The following ZNF384 variants were observed in gnomAD, a reference collection of about 807,000 sequenced individuals.
ZNF384 encodes the protein zinc finger protein 384.
Under a neutral mutation model 65.0 loss-of-function variants are expected in ZNF384, and 20 were observed. The observed-to-expected ratio is 0.31, with a 90% CI of 0.22 to 0.45. ZNF384 has a LOEUF of 0.45. Ranked by LOEUF, ZNF384 falls within the 20% of genes least tolerant of loss-of-function variation. ZNF384 has a pLI of 1.00. For missense variants in ZNF384, 549 were observed against 769.4 expected (o/e 0.71, Z 3.39); for synonymous variants, 310 against 303.9 (o/e 1.02, Z -0.21).
chr12:6,672,006 T>C lies in ZNF384; in HGVS notation c.1187+344A>G, dbSNP rs1951688955. On this transcript the variant is annotated intron_variant, in intron 9 of 11. Coordinates refer to ENST00000683879, the MANE Select transcript of ZNF384 (RefSeq NM_001385745.1). The surrounding 1 kb of genome is among the most constrained non-coding windows in gnomAD (Gnocchi z 4.4). ...TCTTCTCCACTCAAATGCCTCTGTT[T>C]TGGCATCAAGGGGCAAATCTTCCAA... 1 of 226,946 alleles carries C rather than the reference T, an allele frequency of 4.4e-6. No homozygotes were observed. The highest frequency in any genetic ancestry group is 1.1e-4 in the East Asian group (1 of 9,132). 14.1% of individuals were successfully genotyped at this position (226,946 alleles called of 1,614,324 possible). A position where few individuals can be genotyped will look rare whatever the true frequency, so the allele number is the denominator to read the frequency against.
At chr12:6,685,484 G>T (rs1488608580) in intron 2 of ZNF384, among the ~76,000 whole-genome samples, 2 of 151,160 alleles carry the variant, frequency 1.3e-5, no homozygotes, top group East Asian at 4.0e-4. Context: ...TAGGAAGGGA[G>T]GTTTACTGCT....
At chr12:6,687,513 AGTTCTGAACT>A (rs1958364790) in intron 2 of ZNF384, among the ~76,000 whole-genome samples, 1 of 152,180 alleles carries the variant, frequency 6.6e-6, no homozygotes, top group African/African-American at 2.4e-5. Context: ...TGGGATCATA[AGTTCTGAACT>A]CAAACTCTTT....
Position 6,666,629 on chromosome 12 carries a change from T to G in ZNF384, c.*1085A>C, listed in dbSNP as rs1464021314. 6.6e-6 allele frequency: 1 copy of G among 151,822 alleles called. No individual in the cohort carries two copies. Among genetic ancestry groups the G allele is most frequent in the Non-Finnish European group, 1.4e-5 (1 of 73,064 alleles). 9.4% of individuals were successfully genotyped at this position (151,822 alleles called of 1,614,324 possible). ...ATTTCCTTTCCTCTGAAATCTGCCA[T>G]GATTTAAAAAAAAAAAAAAAAGACA... On this transcript the variant is annotated 3_prime_UTR_variant, in exon 12 of 12. Coordinates refer to ENST00000683879, the MANE Select transcript of ZNF384 (RefSeq NM_001385745.1).
At position 6,673,186 on chromosome 12, in the gene ZNF384, G is replaced by T; in HGVS notation, c.1004+30C>A. ...AACATGGTCTTAGGGTTCACGGCCA[G>T]GTGGTGGGGTAAACCAAGAGCAGCC... On this transcript the variant is annotated intron_variant, in intron 8 of 11. Transcript: ENST00000683879. This position sits in a 1 kb window ranked among gnomAD's most constrained non-coding sequence, Gnocchi z 4.7. 6.2e-7 allele frequency: 1 copy of T among 1,602,198 alleles called. No individual in the cohort carries two copies. The highest frequency in any genetic ancestry group is 8.5e-7 in the Non-Finnish European group (1 of 1,170,596).
At chr12:6,681,034 T>C (rs1223029259) in intron 2 of ZNF384, among the ~76,000 whole-genome samples, 1 of 151,940 alleles carries the variant, frequency 6.6e-6, no homozygotes, top group Non-Finnish European at 1.5e-5. Flanking sequence ...CTGGCCAACA[T>C]GGTGAAACCC....
At chr12:6,683,294 AAAAAT>A (rs1417563647) in intron 2 of ZNF384, among the ~76,000 whole-genome samples, 2 of 151,986 alleles carry the variant, frequency 1.3e-5, no homozygotes, top group African/African-American at 4.8e-5. Flanking sequence ...GTCTCAAAAA[AAAAAT>A]AAAATAAAAT....
rs1474536886 is a variant in ZNF384, at chr12:6,667,972, G to C, written c.1569C>G (p.Ala523=). ...GTGATGCCTGGGAGGCCTGGGCCTG[G>C]GCCTGGGCTTGAGCCTGAGCCTGAG... The part of the protein sequence containing the change: ...AQAQAQAQAQ[A]QAQASQASQQ... The change falls in exon 12 of 12, where the codon GCC becomes GCG. Residue 523 remains alanine (A), a synonymous_variant. Transcript: ENST00000683879. 6 of 1,611,874 alleles carry C rather than the reference G, an allele frequency of 3.7e-6. No individual in the cohort carries two copies. In the African/African-American group the frequency reaches 8.0e-5, roughly 22 times the overall value.
In ZNF384 at chr12:6,667,590, C is replaced by A. The variant is rs1362812711; in HGVS notation, c.*124G>T. ...GGTATCCTGTGAAGGAAAGCCGTGA[C>A]AGAGGCCCAAGGAGATGGAGCCAAG... On this transcript the variant is annotated 3_prime_UTR_variant, in exon 12 of 12. Coordinates refer to ENST00000683879, the MANE Select transcript of ZNF384 (RefSeq NM_001385745.1). 1.6e-6 allele frequency: 2 copies of A among 1,284,712 alleles called. No homozygotes were observed. The highest frequency in any genetic ancestry group is 2.3e-5 in the East Asian group (1 of 43,398). 79.6% of individuals were successfully genotyped at this position (1,284,712 alleles called of 1,614,324 possible).
rs890895462 is a variant in ZNF384, at chr12:6,672,591, A to C, written c.1005-59T>G. The C allele has an allele frequency of 1.3e-6, 2 of 1,539,224 alleles. No individual in the cohort carries two copies. Among genetic ancestry groups the C allele is most frequent in the Non-Finnish European group, 1.8e-6 (2 of 1,123,826 alleles). ...GGAAGCAGTTCGACACCAGGGGCTC[A>C]GCTCTCTGCTGGGTGAAATGACGTT... On this transcript the variant is annotated intron_variant, in intron 8 of 11. Coordinates refer to ENST00000683879, the MANE Select transcript of ZNF384 (RefSeq NM_001385745.1). The surrounding 1 kb of genome is among the most constrained non-coding windows in gnomAD (Gnocchi z 4.4).
intron 2 of ZNF384, among the ~76,000 whole-genome samples, chr12:6,683,604 G>C (rs1037188279): frequency 3.4e-5 from 5 of 144,972 alleles, no homozygotes; most frequent in Non-Finnish European, 6.0e-5. Context: ...CCTGAGTGCA[G>C]TAAGTCGAGA....
At chr12:6,679,322 G>T in intron 3 of ZNF384, 133 bp downstream of exon 3, 1 of 1,215,520 alleles carries the variant, frequency 8.2e-7, no homozygotes, top group African/African-American at 1.5e-5. Context: ...CTAGAGAGAA[G>T]CCCAGGCAGA....
At position 6,677,201 on chromosome 12, in the gene ZNF384, G is replaced by A. The variant is rs1158076118; in HGVS notation, c.745C>T (p.Pro249Ser). The stretch of plus-strand genomic sequence containing the variant: ...CACAGCAAATTCGTGGTGGAGCCGG[G>A]AACTGAATCCATGAGCCCAAGGCTC... ...GQSLGLMDSV[P>S]GSTTNLLCDP... The change falls in exon 7 of 12, where the codon CCC (proline) becomes TCC (serine). Residue 249 changes from proline (P) to serine (S), a missense_variant. Transcript: ENST00000683879. 1 of 1,256,710 alleles carries A rather than the reference G, an allele frequency of 8.0e-7. No homozygotes were observed. Among genetic ancestry groups the A allele is most frequent in the East Asian group, 4.3e-5 (1 of 23,310 alleles). The allele number at this position is 1,256,710 out of a possible 1,614,324, so 77.8% of individuals were successfully genotyped here.
At chr12:6,677,350 AT>A (rs1330900380) in intron 6 of ZNF384, 91 bp from the exon 7 acceptor site, 1 of 1,196,536 alleles carries the variant, frequency 8.4e-7, no homozygotes, top group African/African-American at 1.6e-5. Context: ...CCCTGTCTAT[AT>A]CAAAGCTGTG....
rs1951968516 is a variant in ZNF384 at position 6,672,667 on chromosome 12, G to C, written c.1005-135C>G. ...CCTCCCTCCTCCCAAAAACACTCCA[G>C]CCTGGATAGGCAAATGAAGAGGACA... On this transcript the variant is annotated intron_variant, in intron 8 of 11. Coordinates refer to ENST00000683879, the MANE Select transcript of ZNF384 (RefSeq NM_001385745.1). The surrounding 1 kb of genome is among the most constrained non-coding windows in gnomAD (Gnocchi z 4.4). The C allele has an allele frequency of 6.1e-6, 5 of 816,070 alleles. No individual in the cohort carries two copies. In the East Asian group the frequency reaches 1.3e-4, roughly 22 times the overall value. 50.6% of individuals were successfully genotyped at this position (816,070 alleles called of 1,614,324 possible).
chr12:6,670,883 A>G, intron 9 of ZNF384, 45 bp from the exon 10 acceptor site: 4 of 1,570,608 alleles, frequency 2.5e-6, no homozygotes, highest in Non-Finnish European at 2.6e-6. Flanking sequence ...CAGCAAGACC[A>G]TTTAGGAACT....
chr12:6,686,533 C>T (rs1401264570), intron 2 of ZNF384, among the ~76,000 whole-genome samples: 2 of 152,162 alleles, frequency 1.3e-5, no homozygotes, highest in Admixed American at 6.5e-5. Flanking sequence ...AGATTACAGG[C>T]GTAAGCCACC....
chr12:6,678,424 A>C lies in ZNF384; in HGVS notation c.389T>G (p.Leu130Arg). ...CTGAGCTGATGATGCTGTGGTCACA[A>C]GAGAGCCTGAGGGGGACGTGATTAC... ...GLVITSPSGS[L>R]VTTASSAQTF... is the part of the protein sequence containing the mutation. Residue 130 changes from leucine (L) to arginine (R), a missense_variant, in exon 6 of 12, where the codon CTT becomes CGT. Physicochemically the swap from Leu to Arg is moderately radical, Grantham distance 102. Coordinates refer to ENST00000683879, the MANE Select transcript of ZNF384 (RefSeq NM_001385745.1). This position sits in a 1 kb window ranked among gnomAD's most constrained non-coding sequence, Gnocchi z 4.9. 6.2e-7 allele frequency: 1 copy of C among 1,600,702 alleles called. No homozygotes were observed. Among genetic ancestry groups the C allele is most frequent in the Non-Finnish European group, 8.5e-7 (1 of 1,173,320 alleles).
At chr12:6,685,201 T>C (rs1957461328) in intron 2 of ZNF384, among the ~76,000 whole-genome samples, 1 of 152,104 alleles carries the variant, frequency 6.6e-6, no homozygotes, top group Non-Finnish European at 1.5e-5. Flanking sequence ...CTCACACCTG[T>C]AGTCCCAGTT....
At chr12:6,668,180 GC>G in intron 11 of ZNF384, 65 bp from the exon 12 acceptor site, 1 of 1,446,234 alleles carries the variant, frequency 6.9e-7, no homozygotes, top group Non-Finnish European at 9.4e-7. Flanking sequence ...CTTGTAACTA[GC>G]ACCCCAGGCT....
Sources: gnomAD v4.1 joint callset for allele counts (sites outside exome capture counted in the v4.1 genomes callset) on GRCh38, gnomAD v4.1.1 for gene constraint, Gnocchi (gnomAD v3.1) non-coding constraint, MANE v1.5 for transcripts, NCBI Gene and HGNC (gene_info 2026-07-23, HGNC 2026-07-21) for gene names.